Variants in LGR5 observed in about 807,000 individuals in gnomAD.
LGR5 encodes the protein leucine rich repeat containing G protein-coupled receptor 5.
LGR5 carries 54 observed loss-of-function variants against 76.7 expected under a neutral mutation model. That is an observed-to-expected ratio of 0.70 (90% CI 0.57 to 0.88). The LOEUF (loss-of-function observed/expected upper bound fraction) is 0.88, where lower values mean the gene tolerates loss of function less well. Ranked by LOEUF, LGR5 falls within the 40% of genes least tolerant of loss-of-function variation. The pLI, the probability that LGR5 is intolerant of heterozygous loss-of-function variation, is 0.00. For missense variants in LGR5, 1,078 were observed against 1,073.3 expected (o/e 1.00, Z -0.06); for synonymous variants, 406 against 421.9 (o/e 0.96, Z 0.46).
At chr12:71,505,272 G>A (rs1874797107) in intron 2 of LGR5, among the ~76,000 whole-genome samples, 1 of 152,190 alleles carries the variant, frequency 6.6e-6, no homozygotes, top group Non-Finnish European at 1.5e-5. Context: ...AAAAAAGGAG[G>A]AAGCTAAAAT....
At chr12:71,515,596 T>C (rs1473265792) in intron 2 of LGR5, among the ~76,000 whole-genome samples, 3 of 152,078 alleles carry the variant, frequency 2.0e-5, no homozygotes, top group Non-Finnish European at 4.4e-5. Flanking sequence ...AAACTGGAAA[T>C]AGGCAAATAT....
Position 71,583,998 on chromosome 12 carries a change from G to A in LGR5, c.1988G>A (p.Gly663Glu). 6.2e-7 allele frequency: 1 copy of A among 1,614,160 alleles called. No homozygotes were observed. Among genetic ancestry groups the A allele is most frequent in the Non-Finnish European group, 8.5e-7 (1 of 1,180,044 alleles). ...CTTACTCTGGCAGCCCTGGAGCGTG[G>A]GTTCTCTGTGAAATATTCTGCAAAA... Reference protein sequence around the residue: ...FLLTLAALERGFSVKYSAKFE... With the variant: ...FLLTLAALEREFSVKYSAKFE... The change falls in exon 18 of 18, where the codon GGG becomes GAG. Residue 663 changes from glycine to glutamate, a missense_variant. Coordinates refer to ENST00000266674, the MANE Select transcript of LGR5 (RefSeq NM_003667.4).
intron 13 of LGR5, among the ~76,000 whole-genome samples, chr12:71,574,131 A>G (rs1005419437): frequency 2.6e-5 from 4 of 151,256 alleles, no homozygotes; most frequent in Non-Finnish European, 5.9e-5. Flanking sequence ...GTGAAACCCC[A>G]TCTCTACTAA....
At chr12:71,558,796 T>C (rs1049768656) in intron 6 of LGR5, among the ~76,000 whole-genome samples, 1 of 152,196 alleles carries the variant, frequency 6.6e-6, no homozygotes. Flanking sequence ...TACTTTTTCA[T>C]ACGAAGATCT....
Position 71,439,947 on chromosome 12 carries a change from A to G in LGR5, c.-134A>G. 1.3e-6 allele frequency: 1 copy of G among 760,234 alleles called. No homozygotes were observed. Among genetic ancestry groups the G allele is most frequent in the Non-Finnish European group, 2.0e-6 (1 of 491,106 alleles). 47.1% of individuals were successfully genotyped at this position (760,234 alleles called of 1,614,324 possible). A position where few individuals can be genotyped will look rare whatever the true frequency, so the allele number is the denominator to read the frequency against. On this transcript the variant is annotated 5_prime_UTR_variant, in exon 1 of 18. Transcript: ENST00000266674. ...CGCCGCCCACGCCGTGGGGTCAGGA[A>G]CGCGGCGTCTGGCGCTGCAGACGCC...
intron 3 of LGR5, among the ~76,000 whole-genome samples, chr12:71,525,019 AT>A (rs1875920675): frequency 6.6e-6 from 1 of 152,166 alleles, no homozygotes; most frequent in Admixed American, 6.5e-5. Flanking sequence ...TCATTATTTA[AT>A]GTCCAATTTC....
chr12:71,443,906 G>A (rs964954202), intron 1 of LGR5, among the ~76,000 whole-genome samples: 2 of 150,716 alleles, frequency 1.3e-5, no homozygotes, highest in Non-Finnish European at 3.0e-5. Flanking sequence ...AAGGGACCAA[G>A]AGAAAAGATT....
intron 1 of LGR5, among the ~76,000 whole-genome samples, chr12:71,490,905 G>A (rs1314117089): frequency 6.6e-6 from 1 of 152,180 alleles, no homozygotes; most frequent in African/African-American, 2.4e-5. Flanking sequence ...TGGTTTGGCT[G>A]TGTCCCCACC....
At chr12:71,470,406 A>G (rs1279639243) in intron 1 of LGR5, among the ~76,000 whole-genome samples, 1 of 152,176 alleles carries the variant, frequency 6.6e-6, no homozygotes, top group East Asian at 1.9e-4. Flanking sequence ...GTTTCCTTCC[A>G]TGTATGACAG....
At chr12:71,561,128 C>G (rs1402545228) in intron 7 of LGR5, among the ~76,000 whole-genome samples, 3 of 151,958 alleles carry the variant, frequency 2.0e-5, no homozygotes, top group Non-Finnish European at 4.4e-5. Flanking sequence ...TAAGAAAAAC[C>G]CTTAGGGTGT....
intron 4 of LGR5, among the ~76,000 whole-genome samples, chr12:71,544,832 C>CA (rs1877071783): frequency 6.6e-6 from 1 of 152,118 alleles, no homozygotes; most frequent in Non-Finnish European, 1.5e-5. Flanking sequence ...AAATAATAAT[C>CA]AAGAATGCTT....
At chr12:71,449,177 AC>A (rs1204582219) in intron 1 of LGR5, among the ~76,000 whole-genome samples, 2 of 152,196 alleles carry the variant, frequency 1.3e-5, no homozygotes, top group African/African-American at 4.8e-5. Flanking sequence ...CTTATCTCAG[AC>A]ACTTTTCCCA....
chr12:71,553,382 G>A (rs1018043669), intron 5 of LGR5, 94 bp downstream of exon 5: 2 of 1,035,404 alleles, frequency 1.9e-6, no homozygotes, highest in East Asian at 2.4e-5. Context: ...CTCAAATGGG[G>A]ACATTTTAAG....
chr12:71,526,388 A>G (rs987711801), intron 3 of LGR5, among the ~76,000 whole-genome samples: 1 of 152,136 alleles, frequency 6.6e-6, no homozygotes, highest in African/African-American at 2.4e-5. Flanking sequence ...AAAAATGAGA[A>G]GCATAGATTA....
chr12:71,513,320 T>C (rs1592503748), intron 2 of LGR5, among the ~76,000 whole-genome samples: 1 of 151,732 alleles, frequency 6.6e-6, no homozygotes, highest in East Asian at 1.9e-4. Flanking sequence ...GTGAGAGGAG[T>C]TTAAATAAAA....
chr12:71,475,467 G>C (rs553383688), intron 1 of LGR5, among the ~76,000 whole-genome samples: 1 of 152,066 alleles, frequency 6.6e-6, no homozygotes, highest in South Asian at 2.1e-4. Flanking sequence ...AGGCCAGCTT[G>C]ATCTGGCCTT....
chr12:71,546,944 C>A (rs1324141431), intron 4 of LGR5, among the ~76,000 whole-genome samples: 1 of 152,084 alleles, frequency 6.6e-6, no homozygotes, highest in Non-Finnish European at 1.5e-5. Flanking sequence ...TTGACCAGGT[C>A]CAGTGGTGGG....
At chr12:71,543,479 G>A (rs1166384487) in intron 4 of LGR5, among the ~76,000 whole-genome samples, 2 of 152,162 alleles carry the variant, frequency 1.3e-5, no homozygotes, top group Non-Finnish European at 2.9e-5. Flanking sequence ...AAAAGGCCCA[G>A]AAGTACTGTG....
intron 1 of LGR5, among the ~76,000 whole-genome samples, chr12:71,464,634 A>G (rs1214256715): frequency 6.6e-6 from 1 of 152,214 alleles, no homozygotes; most frequent in African/African-American, 2.4e-5. Flanking sequence ...ATGGCCCTAG[A>G]GTAGACAGAA....
Sources: allele counts gnomAD v4.1 joint callset (sites outside exome capture counted in the v4.1 genomes callset), GRCh38; gene constraint gnomAD v4.1.1; transcripts MANE v1.5; gene names NCBI Gene and HGNC (gene_info 2026-07-23, HGNC 2026-07-21).